Variants in ZNF469 observed in about 807,000 individuals in gnomAD.
ZNF469 encodes zinc finger protein 469.
A neutral mutation model predicts 1.0 loss-of-function variants in ZNF469; 1 was observed. The observed-to-expected ratio is 1.00, with a 90% CI of 0.35 to 4.73. The LOEUF is 4.73. Ranked by LOEUF, ZNF469 falls within the 30% of genes most tolerant of loss-of-function variation. The probability of loss-of-function intolerance (pLI) is 0.16; values close to 1 mark genes in which losing one functional copy is unlikely to be tolerated. For missense variants in ZNF469, 6,100 were observed against 5,356.3 expected (o/e 1.14, Z -4.33); for synonymous variants, 2,703 against 2,363.4 (o/e 1.14, Z -4.17).
the ZNF469 span, among the ~76,000 whole-genome samples, chr16:88,118,838 A>T: frequency 6.6e-6 from 1 of 152,250 alleles, no homozygotes; most frequent in African/African-American, 2.4e-5. Context: ...AACCACACGG[A>T]TAAGCAATAG....
the ZNF469 span, among the ~76,000 whole-genome samples, chr16:88,268,743 C>T: frequency 1.3e-5 from 2 of 152,180 alleles, no homozygotes; most frequent in African/African-American, 2.4e-5. Context: ...TCACTAAGCC[C>T]GGGCCACCAT....
At chr16:88,406,736 T>A (rs948795916) in intron 1 of ZNF469, among the ~76,000 whole-genome samples, 2 of 152,166 alleles carry the variant, frequency 1.3e-5, no homozygotes, top group Non-Finnish European at 2.9e-5. Flanking sequence ...TCTGTGTGTG[T>A]GCGCCTGGGC....
chr16:88,197,797 G>A, the ZNF469 span, among the ~76,000 whole-genome samples: 1 of 152,226 alleles, frequency 6.6e-6, no homozygotes, highest in Non-Finnish European at 1.5e-5. Context: ...GCTGGTGGGA[G>A]GCCGTGGGCA....
chr16:88,377,483 T>C, the ZNF469 span, among the ~76,000 whole-genome samples: 1 of 152,190 alleles, frequency 6.6e-6, no homozygotes, highest in African/African-American at 2.4e-5. Flanking sequence ...CCACCCCAGC[T>C]TTTTGCTCTC....
chr16:88,186,975 G>A, the ZNF469 span, among the ~76,000 whole-genome samples: 1 of 152,140 alleles, frequency 6.6e-6, no homozygotes, highest in Non-Finnish European at 1.5e-5. Context: ...ACGGGCTCCA[G>A]GGAGGCACAA....
At chr16:88,381,388 T>G (rs1417472620), upstream of ZNF469, among the ~76,000 whole-genome samples, 4 of 108,260 alleles carry the variant, frequency 3.7e-5, no homozygotes, top group Non-Finnish European at 7.5e-5. Flanking sequence ...AGACATGCAT[T>G]CACACACACG....
the ZNF469 span, among the ~76,000 whole-genome samples, chr16:88,287,864 G>T: frequency 0.026 from 3,965 of 152,264 alleles, 163 homozygotes; most frequent in African/African-American, 0.088. Flanking sequence ...CATAACTGAG[G>T]CTTACTGAGT....
At chr16:88,237,462 C>G in the ZNF469 span, among the ~76,000 whole-genome samples, 1 of 62,308 alleles carries the variant, frequency 1.6e-5, no homozygotes, top group Non-Finnish European at 4.3e-5. Flanking sequence ...TCCTGCCACT[C>G]ACCCTCCCTG....
chr16:88,411,658 C>A lies in ZNF469; in HGVS notation c.-191-13149C>A, dbSNP rs570201476. On this transcript the variant is annotated intron_variant, in intron 1 of 2. Coordinates refer to ENST00000565624, the MANE Select transcript of ZNF469 (RefSeq NM_001367624.2). The stretch of plus-strand genomic sequence containing the variant: ...GGAAGCTGGAGACAGGTGTCAAAAT[C>A]TTCTGGGCAGGAGACGGCGGTGGCC... Among the ~76,000 whole-genome samples the A allele has an allele frequency of 9.2e-5, 14 of 152,228 alleles. 1 individual carries two copies. Among genetic ancestry groups the A allele is most frequent in the African/African-American group, 3.1e-4 (13 of 41,542 alleles).
At chr16:88,249,551 C>G in the ZNF469 span, among the ~76,000 whole-genome samples, 2 of 149,432 alleles carry the variant, frequency 1.3e-5, no homozygotes, top group African/African-American at 4.9e-5. Flanking sequence ...ATTCTCCTGC[C>G]TCAGCCTCCA....
At chr16:88,397,923 G>C (rs772567507) in intron 1 of ZNF469, among the ~76,000 whole-genome samples, 2 of 152,200 alleles carry the variant, frequency 1.3e-5, no homozygotes. Context: ...CAAGCCTCTG[G>C]TGTCAGGGGC....
chr16:88,326,580 C>A, the ZNF469 span, among the ~76,000 whole-genome samples: 1 of 152,208 alleles, frequency 6.6e-6, no homozygotes, highest in Non-Finnish European at 1.5e-5. Flanking sequence ...CTGGGCAGGA[C>A]ACCGCATGTT....
the ZNF469 span, among the ~76,000 whole-genome samples, chr16:88,117,885 A>G: frequency 6.1e-4 from 93 of 152,248 alleles, no homozygotes; most frequent in Non-Finnish European, 9.0e-4. Flanking sequence ...GGCTCCACAC[A>G]CTGCGCCCGT....
the ZNF469 span, among the ~76,000 whole-genome samples, chr16:88,316,384 C>T: frequency 3.9e-5 from 6 of 152,094 alleles, no homozygotes; most frequent in African/African-American, 9.7e-5. Flanking sequence ...CACCTTGGCA[C>T]GGCTCTTCCC....
At chr16:88,388,308 G>A (rs903505305) in intron 1 of ZNF469, among the ~76,000 whole-genome samples, 8 of 152,226 alleles carry the variant, frequency 5.3e-5, no homozygotes, top group Admixed American at 1.3e-4. Context: ...TGCTAACAGC[G>A]CCTGTCCTGT....
chr16:88,411,108 C>G (rs922535408), intron 1 of ZNF469, among the ~76,000 whole-genome samples: 5 of 152,280 alleles, frequency 3.3e-5, no homozygotes, highest in Admixed American at 3.3e-4. Flanking sequence ...CTGCAAAGAC[C>G]CTATGTCTAG....
At chr16:88,149,046 A>G in the ZNF469 span, among the ~76,000 whole-genome samples, 3 of 152,094 alleles carry the variant, frequency 2.0e-5, no homozygotes, top group Non-Finnish European at 4.4e-5. Context: ...CATTTATTAA[A>G]TCAAAGCCAC....
At chr16:88,244,265 A>T in the ZNF469 span, among the ~76,000 whole-genome samples, 2 of 149,482 alleles carry the variant, frequency 1.3e-5, no homozygotes, top group Non-Finnish European at 3.0e-5. Context: ...GCATACATGG[A>T]TGGGTGAATG....
the ZNF469 span, among the ~76,000 whole-genome samples, chr16:88,201,277 G>C: frequency 6.6e-6 from 1 of 152,172 alleles, no homozygotes; most frequent in Non-Finnish European, 1.5e-5. This position sits in a 1 kb window ranked among gnomAD's most constrained non-coding sequence, Gnocchi z 5.0. Flanking sequence ...GGGTTGGCCG[G>C]GTGCAGTGGC....
Sources: allele counts gnomAD v4.1 joint callset (sites outside exome capture counted in the v4.1 genomes callset), GRCh38; gene constraint gnomAD v4.1.1; non-coding constraint Gnocchi (gnomAD v3.1); transcripts MANE v1.5; gene names NCBI Gene and HGNC (gene_info 2026-07-23, HGNC 2026-07-21).